Variants in DKK2 observed in about 807,000 individuals in gnomAD.
The protein encoded by DKK2 is dickkopf-related protein 2.
A neutral mutation model predicts 28.1 loss-of-function variants in DKK2; 11 were observed. The ratio of observed to expected loss-of-function variants is 0.39; its 90% confidence interval spans 0.25 to 0.65. The LOEUF (loss-of-function observed/expected upper bound fraction) is 0.65. Ranked by LOEUF, DKK2 falls within the 30% of genes least tolerant of loss-of-function variation. The probability of loss-of-function intolerance (pLI) is 0.47; values close to 1 mark genes in which losing one functional copy is unlikely to be tolerated. For missense variants in DKK2, 326 were observed against 335.5 expected (o/e 0.97, Z 0.22); for synonymous variants, 135 against 126.5 (o/e 1.07, Z -0.45).
intron 1 of DKK2, among the ~76,000 whole-genome samples, chr4:106,968,980 T>A (rs1722822894): frequency 6.6e-6 from 1 of 152,100 alleles, no homozygotes; most frequent in Non-Finnish European, 1.5e-5. Context: ...CCTGGTCAAT[T>A]TATAGGCATG....
chr4:106,974,746 C>G (rs1171126556), intron 1 of DKK2, among the ~76,000 whole-genome samples: 1 of 152,134 alleles, frequency 6.6e-6, no homozygotes. Flanking sequence ...TTTCTCTTGC[C>G]TGATTGCCCT....
chr4:107,027,759 T>G (rs944841479), intron 1 of DKK2, among the ~76,000 whole-genome samples: 3 of 149,662 alleles, frequency 2.0e-5, no homozygotes, highest in Non-Finnish European at 4.4e-5. Flanking sequence ...TATTATGATT[T>G]TTTTTTTTTT....
intron 1 of DKK2, among the ~76,000 whole-genome samples, chr4:106,964,564 G>A (rs1722738787): frequency 6.6e-6 from 1 of 152,166 alleles, no homozygotes; most frequent in African/African-American, 2.4e-5. Flanking sequence ...GGATATCCCA[G>A]TAATTCTGAA....
Position 107,035,362 on chromosome 4 carries a change from T to A in DKK2, c.222+8A>T. On this transcript the variant is annotated splice_region_variant and intron_variant, in intron 1 of 3. Transcript: ENST00000285311. The stretch of plus-strand genomic sequence containing the variant: ...CTGTCTGAAGAATGTGTTTGGGGGT[T>A]TTCCTACCTGCCCCAGGTTTTTGCC... The A allele has an allele frequency of 6.2e-7, 1 of 1,614,014 alleles. No homozygotes were observed. Among genetic ancestry groups the A allele is most frequent in the Non-Finnish European group, 8.5e-7 (1 of 1,179,884 alleles).
At chr4:106,998,835 T>A (rs1723314896) in intron 1 of DKK2, among the ~76,000 whole-genome samples, 1 of 152,198 alleles carries the variant, frequency 6.6e-6, no homozygotes, top group Admixed American at 6.5e-5. Flanking sequence ...CAGTAAAATT[T>A]CAGGTCATTT....
intron 1 of DKK2, among the ~76,000 whole-genome samples, chr4:106,945,012 C>CTCCAGGAGACCCTGAAAATAA (rs1357646087): frequency 6.6e-6 from 1 of 152,078 alleles, no homozygotes; most frequent in Non-Finnish European, 1.5e-5. Context: ...CTAGCACTAG[C>CTCCAGGAGACCCTGAAAATAA]CAGGCTCCTG....
At chr4:107,022,349 C>A (rs1054946149) in intron 1 of DKK2, among the ~76,000 whole-genome samples, 4 of 152,126 alleles carry the variant, frequency 2.6e-5, no homozygotes, top group African/African-American at 4.8e-5. Context: ...ACTGACTTAT[C>A]TGAAGAATTT....
chr4:107,024,981 T>C (rs1464607525), intron 1 of DKK2, among the ~76,000 whole-genome samples: 3 of 152,218 alleles, frequency 2.0e-5, no homozygotes, highest in Non-Finnish European at 2.9e-5. Context: ...TAATCATGTA[T>C]GAAACATCAG....
At position 106,982,172 on chromosome 4, in the gene DKK2, G is replaced by A. The variant is rs143122515; in HGVS notation, c.222+53198C>T. Reference sequence around the variant, plus strand: ...ACTCTGTGATTATTTCGTTTATTTCGTTGGTTATTTTATTTGTCTATCACT... The same window carrying A: ...ACTCTGTGATTATTTCGTTTATTTCATTGGTTATTTTATTTGTCTATCACT... On this transcript the variant is annotated intron_variant, in intron 1 of 3. Coordinates refer to ENST00000285311, the MANE Select transcript of DKK2 (RefSeq NM_014421.3). Among the ~76,000 whole-genome samples, 32 of 152,148 alleles carry A rather than the reference G, an allele frequency of 2.1e-4. 1 individual carries two copies. Among genetic ancestry groups the A allele is most frequent in the East Asian group, 3.9e-4 (2 of 5,176 alleles).
At chr4:107,005,874 A>G (rs2110366961) in intron 1 of DKK2, among the ~76,000 whole-genome samples, 2 of 152,334 alleles carry the variant, frequency 1.3e-5, no homozygotes, top group South Asian at 4.1e-4. Flanking sequence ...AGCCTCATCT[A>G]ATAAACTTCG....
chr4:106,982,425 A>G (rs1723039839), intron 1 of DKK2, among the ~76,000 whole-genome samples: 1 of 152,078 alleles, frequency 6.6e-6, no homozygotes, highest in African/African-American at 2.4e-5. Context: ...AACACACCCA[A>G]ACAGAAAGAA....
At chr4:107,009,696 G>T (rs1463577632) in intron 1 of DKK2, among the ~76,000 whole-genome samples, 1 of 151,722 alleles carries the variant, frequency 6.6e-6, no homozygotes, top group African/African-American at 2.4e-5. Flanking sequence ...AGGGCAAAGG[G>T]ACAGCAATAT....
At chr4:106,948,016 A>C (rs1018721983) in intron 1 of DKK2, among the ~76,000 whole-genome samples, 1 of 152,140 alleles carries the variant, frequency 6.6e-6, no homozygotes, top group African/African-American at 2.4e-5. Context: ...TGCAACCACT[A>C]GCTGTAGTTC....
intron 1 of DKK2, among the ~76,000 whole-genome samples, chr4:106,972,618 G>A (rs1722884662): frequency 6.6e-6 from 1 of 152,022 alleles, no homozygotes; most frequent in Non-Finnish European, 1.5e-5. Context: ...TACCGGATAG[G>A]ATATTTATTA....
At chr4:106,924,516 A>G (rs1243261767) in intron 3 of DKK2, 29 bp downstream of exon 3, 5 of 1,586,720 alleles carry the variant, frequency 3.2e-6, no homozygotes, top group Non-Finnish European at 4.3e-6. Context: ...TTTATTTTAA[A>G]AAAACCCCAG....
intron 1 of DKK2, among the ~76,000 whole-genome samples, chr4:106,985,202 C>A (rs1375520081): frequency 6.9e-6 from 1 of 144,064 alleles, no homozygotes; most frequent in African/African-American, 2.6e-5. Flanking sequence ...GAGCGATACT[C>A]CATCTCAAAA....
chr4:106,982,240 A>G (rs1723036844), intron 1 of DKK2, among the ~76,000 whole-genome samples: 1 of 152,232 alleles, frequency 6.6e-6, no homozygotes, highest in Non-Finnish European at 1.5e-5. Context: ...TTTGTTCAAC[A>G]TTTTATTCTC....
intron 1 of DKK2, among the ~76,000 whole-genome samples, chr4:106,947,461 AT>A (rs1430340942): frequency 6.6e-6 from 1 of 152,004 alleles, no homozygotes; most frequent in African/African-American, 2.4e-5. Context: ...CACTTCCTAA[AT>A]TTCTGTGTAA....
At chr4:107,033,813 A>C (rs1282835172) in intron 1 of DKK2, among the ~76,000 whole-genome samples, 2 of 152,182 alleles carry the variant, frequency 1.3e-5, no homozygotes, top group African/African-American at 4.8e-5. Flanking sequence ...ATTTCATGAC[A>C]GACTTCTAAG....
Sources: allele counts gnomAD v4.1 joint callset (sites outside exome capture counted in the v4.1 genomes callset), GRCh38; gene constraint gnomAD v4.1.1; transcripts MANE v1.5; gene names NCBI Gene and HGNC (gene_info 2026-07-23, HGNC 2026-07-21).